The following PEBP4 variants were observed in gnomAD, a reference collection of about 807,000 sequenced individuals.
PEBP4 encodes the protein phosphatidylethanolamine-binding protein 4.
PEBP4 carries 22 observed loss-of-function variants against 23.9 expected under a neutral mutation model. The ratio of observed to expected loss-of-function variants is 0.92; its 90% CI spans 0.66 to 1.31. The LOEUF is 1.31. PEBP4 is among the 40% of genes most tolerant of loss of function. PEBP4 has a pLI of 0.00. For synonymous variants in PEBP4, 112 were observed against 99.3 expected (o/e 1.13, Z -0.76); for missense variants, 324 against 281.7 (o/e 1.15, Z -1.07).
rs113078249 is a variant in PEBP4, at chr8:22,866,177, T to C, written c.259-48442A>G. ...CACCCTGGCGTCTCCATTTGACAAA[T>C]GAAGAAATGGGAGACTAAGAAAACT... On this transcript the variant is annotated intron_variant, in intron 3 of 6. Transcript: ENST00000256404. Among the ~76,000 whole-genome samples the C allele has an allele frequency of 5.9e-3, 896 of 152,304 alleles. 15 individuals carry two copies. Among genetic ancestry groups the C allele is most frequent in the African/African-American group, 0.021 (853 of 41,566 alleles).
At chr8:22,925,058 G>A in intron 2 of PEBP4, 1 of 985,324 alleles carries the variant, frequency 1.0e-6, no homozygotes, top group Non-Finnish European at 1.2e-6. Flanking sequence ...TCTTGAGGAG[G>A]GGTCAGTGCA....
At chr8:22,751,650 G>A (rs1002702320) in intron 4 of PEBP4, among the ~76,000 whole-genome samples, 2 of 148,294 alleles carry the variant, frequency 1.3e-5, no homozygotes, top group African/African-American at 5.0e-5. Flanking sequence ...GTGTGTGTGT[G>A]TGTGTGTTGT....
At chr8:22,847,135 T>TGACTATGCAGAAGGTGGGCCCATCCCTC (rs1807454804) in intron 3 of PEBP4, among the ~76,000 whole-genome samples, 1 of 152,176 alleles carries the variant, frequency 6.6e-6, no homozygotes, top group Non-Finnish European at 1.5e-5. Context: ...CGTTATTCCT[T>TGACTATGCAGAAGGTGGGCCCATCCCTC]GACTATGCAG....
chr8:22,920,153 C>G (rs767316373), intron 3 of PEBP4, 31 bp downstream of exon 3: 2 of 1,590,892 alleles, frequency 1.3e-6, no homozygotes, highest in Admixed American at 3.4e-5. Context: ...CCCAACTGTC[C>G]CCCCGCTTTA....
chr8:22,771,647 C>T (rs183820053), intron 4 of PEBP4, among the ~76,000 whole-genome samples: 56 of 152,304 alleles, frequency 3.7e-4, no homozygotes, highest in African/African-American at 1.3e-3. Flanking sequence ...AGAGGCAGGG[C>T]GCAGACACTG....
rs1809525163 is a variant in PEBP4 at position 22,935,513 on chromosome 8, G to A, written c.145-7793C>T. ...TGCAGTCCAGCCTGGGCAGCAGAGT[G>A]AGACTGTCTCAAAAACAAAAAACAC... On this transcript the variant is annotated intron_variant, in intron 1 of 1. Transcript: ENST00000522278. 3.3e-5 allele frequency among the ~76,000 whole-genome samples: 5 copies of A among 152,226 alleles called. No homozygotes were observed. In the South Asian group the frequency reaches 1.0e-3, roughly 32 times the overall value.
At chr8:22,727,112 T>C in intron 5 of PEBP4, 63 bp downstream of exon 5, 1 of 1,580,366 alleles carries the variant, frequency 6.3e-7, no homozygotes, top group Non-Finnish European at 8.7e-7. Flanking sequence ...CCATGAGGTT[T>C]TGATTCCTGT....
chr8:22,728,580 C>CTTCCTTCT (rs1563196386), intron 4 of PEBP4, among the ~76,000 whole-genome samples: 3 of 134,034 alleles, frequency 2.2e-5, no homozygotes, highest in Non-Finnish European at 4.8e-5. Flanking sequence ...TCCTTCCTTC[C>CTTCCTTCT]TTCCTTCCTT....
intron 4 of PEBP4, among the ~76,000 whole-genome samples, chr8:22,797,656 G>A (rs1187285341): frequency 1.3e-5 from 2 of 152,216 alleles, no homozygotes; most frequent in East Asian, 3.8e-4. Context: ...GTTGGTGGAG[G>A]AGGCTGCTGG....
At chr8:22,787,708 A>G (rs1327290162) in intron 4 of PEBP4, among the ~76,000 whole-genome samples, 1 of 152,190 alleles carries the variant, frequency 6.6e-6, no homozygotes, top group Non-Finnish European at 1.5e-5. Context: ...AGAGAAATAA[A>G]CCACCACTAC....
chr8:22,936,650 G>A (rs894493067), intron 1 of PEBP4, among the ~76,000 whole-genome samples: 1 of 152,066 alleles, frequency 6.6e-6, no homozygotes, highest in African/African-American at 2.4e-5. Context: ...ACCAAAGTTA[G>A]AAAAGAAAAC....
At chr8:22,900,922 T>C (rs1357551905) in intron 3 of PEBP4, among the ~76,000 whole-genome samples, 1 of 152,124 alleles carries the variant, frequency 6.6e-6, no homozygotes, top group Non-Finnish European at 1.5e-5. Context: ...GCTCTCAGGT[T>C]TCCCACACCG....
chr8:22,770,468 C>T (rs1805695836), intron 4 of PEBP4, among the ~76,000 whole-genome samples: 1 of 152,228 alleles, frequency 6.6e-6, no homozygotes, highest in African/African-American at 2.4e-5. Flanking sequence ...CTCTCCCTAC[C>T]CTCCCACTGC....
At chr8:22,747,471 T>C (rs796329375) in intron 4 of PEBP4, 10 of 152,364 alleles carry the variant, frequency 6.6e-5, no homozygotes, top group African/African-American at 2.4e-4. Context: ...GCCTCTTCAG[T>C]AAAATAATGA....
At chr8:22,892,799 C>T (rs1038273968) in intron 3 of PEBP4, among the ~76,000 whole-genome samples, 3 of 152,108 alleles carry the variant, frequency 2.0e-5, no homozygotes, top group African/African-American at 7.2e-5. Context: ...CAGTGTGGGG[C>T]AGTAATCAGC....
chr8:22,847,047 C>T (rs924532959), intron 3 of PEBP4, among the ~76,000 whole-genome samples: 24 of 152,088 alleles, frequency 1.6e-4, no homozygotes, highest in African/African-American at 5.8e-4. Flanking sequence ...TAAATTGGTC[C>T]TCAAGAGAAA....
chr8:22,727,211 G>A lies in PEBP4; in HGVS notation c.367C>T (p.Leu123=), dbSNP rs774846917. 1 of 1,613,910 alleles carries A rather than the reference G, an allele frequency of 6.2e-7. No homozygotes were observed. Among genetic ancestry groups the A allele is most frequent in the Non-Finnish European group, 8.5e-7 (1 of 1,179,976 alleles). Residue 123 remains leucine (L), a synonymous_variant, in exon 5 of 7, where the codon CTG becomes TTG. Transcript: ENST00000256404. ...TGGCCCTGAATCTTCCCTTTCTTCA[G>A]GTCGGCGCCCTGAAAGAAGAGACAA... ...WLVTDIKGAD[L]KKGKIQGQEL... is the part of the protein sequence containing the mutation.
intron 3 of PEBP4, among the ~76,000 whole-genome samples, chr8:22,877,666 CCCA>C (rs1808151972): frequency 1.3e-5 from 2 of 151,694 alleles, no homozygotes; most frequent in Admixed American, 6.6e-5. Context: ...ACCCCACCTC[CCCA>C]CCTCCCCCTC....
chr8:22,836,668 C>T (rs897080539), intron 3 of PEBP4, among the ~76,000 whole-genome samples: 1 of 152,206 alleles, frequency 6.6e-6, no homozygotes, highest in Admixed American at 6.5e-5. Context: ...AGTTCAAATC[C>T]TCATTGTACT....
Sources: gnomAD v4.1 joint callset for allele counts (sites outside exome capture counted in the v4.1 genomes callset) on GRCh38, gnomAD v4.1.1 for gene constraint, MANE v1.5 for transcripts, NCBI Gene and HGNC (gene_info 2026-07-23, HGNC 2026-07-21) for gene names.